The following CCDC144A variants were observed in gnomAD, a reference collection of about 807,000 sequenced individuals.
The protein encoded by CCDC144A is coiled-coil domain-containing protein 144A.
A neutral mutation model predicts 143.8 loss-of-function variants in CCDC144A; 41 were observed. The ratio of observed to expected loss-of-function variants is 0.29; its 90% CI spans 0.22 to 0.37. The LOEUF (loss-of-function observed/expected upper bound fraction) is 0.37. Among genes scored for constraint, CCDC144A ranks in the 10% least tolerant of loss-of-function variants. The probability of loss-of-function intolerance (pLI) is 1.00; values close to 1 mark genes in which losing one functional copy is unlikely to be tolerated. For missense variants in CCDC144A, 637 were observed against 1,488.8 expected (o/e 0.43, Z 9.41); for synonymous variants, 242 against 517.9 (o/e 0.47, Z 7.23).
chr17:16,684,389 C>T, the CCDC144A span, among the ~76,000 whole-genome samples: 1 of 152,090 alleles, frequency 6.6e-6, no homozygotes, highest in Non-Finnish European at 1.5e-5. Flanking sequence ...GGCGCGGTGG[C>T]TCACGCCTGT....
intron 12 of CCDC144A, among the ~76,000 whole-genome samples, chr17:16,758,954 T>A (rs915144547): frequency 1.3e-5 from 2 of 152,260 alleles, no homozygotes; most frequent in African/African-American, 4.8e-5. Flanking sequence ...CACACTGTTC[T>A]GTGTAGTACG....
At chr17:16,758,212 C>T (rs916661143) in intron 12 of CCDC144A, among the ~76,000 whole-genome samples, 1 of 151,958 alleles carries the variant, frequency 6.6e-6, no homozygotes, top group African/African-American at 2.4e-5. Context: ...GAAAAACACA[C>T]TAATTTCTAA....
At chr17:16,683,041 A>G in the CCDC144A span, among the ~76,000 whole-genome samples, 1 of 151,368 alleles carries the variant, frequency 6.6e-6, no homozygotes, top group Admixed American at 6.6e-5. Context: ...ACAGAAGCAG[A>G]GAGTAGAATG....
chr17:16,746,886 C>T, intron 12 of CCDC144A: 1 of 583,268 alleles, frequency 1.7e-6, no homozygotes, highest in Non-Finnish European at 2.9e-6. Flanking sequence ...CCCTTCTCTC[C>T]CTCCCCTCCC....
chr17:16,737,536 A>C, intron 12 of CCDC144A: 1 of 1,268,786 alleles, frequency 7.9e-7, no homozygotes, highest in South Asian at 1.3e-5. Context: ...ATACCTTCAC[A>C]GGTAGTTATG....
chr17:16,681,334 T>C, the CCDC144A span, among the ~76,000 whole-genome samples: 1 of 152,066 alleles, frequency 6.6e-6, no homozygotes, highest in African/African-American at 2.4e-5. Flanking sequence ...AATGGAAATC[T>C]CTTGACCAAT....
the CCDC144A span, among the ~76,000 whole-genome samples, chr17:16,682,605 CAAAAAAGGACTAGGGGTAATTAT>C: frequency 6.6e-6 from 1 of 151,654 alleles, no homozygotes; most frequent in Non-Finnish European, 1.5e-5. Flanking sequence ...AAAAAAACAG[CAAAAAAGGACTAGGGGTAATTAT>C]AAAAAATGTC....
the CCDC144A span, among the ~76,000 whole-genome samples, chr17:16,670,501 C>G: frequency 6.7e-6 from 1 of 149,504 alleles, no homozygotes; most frequent in African/African-American, 2.5e-5. Flanking sequence ...CTAGGAAGAC[C>G]TACTTCATAT....
At chr17:16,741,244 G>A (rs1402738537) in intron 12 of CCDC144A, among the ~76,000 whole-genome samples, 1 of 152,170 alleles carries the variant, frequency 6.6e-6, no homozygotes, top group East Asian at 1.9e-4. Context: ...GGAAAACCTT[G>A]GCTGGGACAG....
chr17:16,765,731 G>A (rs1259944914), intron 15 of CCDC144A: 4 of 151,406 alleles, frequency 2.6e-5, no homozygotes, highest in African/African-American at 4.9e-5. Flanking sequence ...GATTACAAGA[G>A]CCCAGCTAGC....
chr17:16,714,643 G>A (rs1912638125), intron 6 of CCDC144A, among the ~76,000 whole-genome samples: 1 of 144,926 alleles, frequency 6.9e-6, no homozygotes, highest in Non-Finnish European at 1.5e-5. Context: ...TAATTGGTCT[G>A]TTTTTTTTTT....
At chr17:16,725,890 C>A (rs1913390295) in intron 8 of CCDC144A, among the ~76,000 whole-genome samples, 1 of 150,912 alleles carries the variant, frequency 6.6e-6, no homozygotes, top group Admixed American at 6.6e-5. Context: ...TTTGGCCATT[C>A]TTTTTTTATT....
At chr17:16,670,424 A>T in the CCDC144A span, among the ~76,000 whole-genome samples, 1 of 149,082 alleles carries the variant, frequency 6.7e-6, no homozygotes, top group Non-Finnish European at 1.5e-5. Flanking sequence ...AGTAGCCGGG[A>T]TTACATAATC....
At chr17:16,673,561 T>G in the CCDC144A span, among the ~76,000 whole-genome samples, 131 of 152,068 alleles carry the variant, frequency 8.6e-4, 1 homozygote, top group Admixed American at 2.4e-3. Context: ...TAATTTTGTA[T>G]TTTTAGTAGA....
At chr17:16,745,699 C>T (rs1914466735) in intron 12 of CCDC144A, 8 of 1,613,804 alleles carry the variant, frequency 5.0e-6, no homozygotes, top group Non-Finnish European at 6.8e-6. Flanking sequence ...CTCCTGTTTC[C>T]GCCACACTCT....
intron 9 of CCDC144A, among the ~76,000 whole-genome samples, chr17:16,730,727 G>GT (rs1913699811): frequency 7.5e-6 from 1 of 134,098 alleles, no homozygotes; most frequent in African/African-American, 3.4e-5. Flanking sequence ...ATATTCCTAG[G>GT]TTTTTGTTGT....
At chr17:16,667,631 CCTTT>C in the CCDC144A span, among the ~76,000 whole-genome samples, 59 of 150,244 alleles carry the variant, frequency 3.9e-4, no homozygotes, top group African/African-American at 1.4e-3. Flanking sequence ...TGCTCGGTGT[CCTTT>C]CTTACTCTGT....
chr17:16,678,406 T>G, the CCDC144A span, among the ~76,000 whole-genome samples: 2 of 152,044 alleles, frequency 1.3e-5, no homozygotes, highest in South Asian at 2.1e-4. Context: ...CAGTTAGAGT[T>G]GTGAGATGTT....
chr17:16,750,027 G>A (rs1914717110), intron 12 of CCDC144A, among the ~76,000 whole-genome samples: 1 of 152,156 alleles, frequency 6.6e-6, no homozygotes, highest in Admixed American at 6.5e-5. Flanking sequence ...ATTCTTATTG[G>A]TTTGTTTTAT....
Sources: allele counts gnomAD v4.1 joint callset (sites outside exome capture counted in the v4.1 genomes callset), GRCh38; gene constraint gnomAD v4.1.1; transcripts MANE v1.5; gene names NCBI Gene and HGNC (gene_info 2026-07-23, HGNC 2026-07-21).